Variants in TMPPE observed in about 807,000 individuals in gnomAD.
TMPPE encodes transmembrane protein with metallophosphoesterase domain.
A neutral mutation model predicts 22.6 loss-of-function variants in TMPPE; 16 were observed. The ratio of observed to expected loss-of-function variants is 0.71; its 90% CI spans 0.48 to 1.08. The LOEUF (loss-of-function observed/expected upper bound fraction) is 1.08. Ranked by LOEUF, TMPPE falls within the 50% of genes least tolerant of loss-of-function variation. The pLI, the probability that TMPPE is intolerant of heterozygous loss-of-function variation, is 0.00. For synonymous variants in TMPPE, 240 were observed against 245.3 expected, an observed-to-expected ratio of 0.98 and a Z score of 0.20; for missense variants, 526 against 584.3, an observed-to-expected ratio of 0.90 and a Z score of 1.03.
At chr3:33,096,446 A>G in intron 1 of TMPPE, 1 of 981,494 alleles carries the variant, frequency 1.0e-6, no homozygotes, top group Admixed American at 6.3e-5. Flanking sequence ...ACGGTCCCAC[A>G]AATACAAAGA....
chr3:33,090,568 A>C lies in TMPPE; in HGVS notation c.*2266T>G, dbSNP rs960540057. ...TAAAGAAACAAATGAAATTGAAAGA[A>C]TGATCAAGCTTCAAGTAACGTTTCT... is the stretch of plus-strand genomic sequence containing the variant. On this transcript the variant is annotated 3_prime_UTR_variant, in exon 2 of 2. Coordinates refer to ENST00000342462, the MANE Select transcript of TMPPE (RefSeq NM_001039770.3). The C allele has an allele frequency of 7.1e-6, 7 of 985,342 alleles. No individual in the cohort carries two copies. The South Asian group carries it at 3.3e-4, about 46-fold the overall frequency. The allele number at this position is 985,342 out of a possible 1,614,324, so 61.0% of individuals were successfully genotyped here.
At position 33,090,493 on chromosome 3, in the gene TMPPE, C is replaced by G. The variant is rs75638506; in HGVS notation, c.*2341G>C. 1.8e-4 allele frequency: 181 copies of G among 985,180 alleles called. No homozygotes were observed. Among genetic ancestry groups the G allele is most frequent in the Non-Finnish European group, 2.1e-4 (173 of 829,912 alleles). 61.0% of individuals were successfully genotyped at this position (985,180 alleles called of 1,614,324 possible). A position where few individuals can be genotyped will look rare whatever the true frequency, so the allele number is the denominator to read the frequency against. ...GCATCATATACTACAGACACTATTG[C>G]TGATTTTCAAAAAGCATTGCATTTC... On this transcript the variant is annotated 3_prime_UTR_variant, in exon 2 of 2. Coordinates refer to ENST00000342462, the MANE Select transcript of TMPPE (RefSeq NM_001039770.3).
chr3:33,092,221 TG>T lies in TMPPE; in HGVS notation c.*612del. 1 of 985,704 alleles carries T rather than the reference TG, an allele frequency of 1.0e-6. No homozygotes were observed. The highest frequency in any genetic ancestry group is 1.2e-6 in the Non-Finnish European group (1 of 830,174). 61.1% of individuals were successfully genotyped at this position (985,704 alleles called of 1,614,324 possible). On this transcript the variant is annotated 3_prime_UTR_variant, in exon 2 of 2. Transcript: ENST00000342462. ...CAGTTAAATAGCATCCCTCAAGGCC[TG>T]GAACAGGAGGAGCTTTGCATTCCAG... is the stretch of plus-strand genomic sequence containing the variant.
In TMPPE at chr3:33,090,599, C is replaced by T; in HGVS notation, c.*2235G>A. On this transcript the variant is annotated 3_prime_UTR_variant, in exon 2 of 2. Transcript: ENST00000342462. Reference sequence around the variant, plus strand: ...AAGCTTCAAGTAACGTTTCTCACCACCTCCCCCGGCCACAAACAAACAAAA... The same window carrying T: ...AAGCTTCAAGTAACGTTTCTCACCATCTCCCCCGGCCACAAACAAACAAAA... 3.0e-6 allele frequency: 3 copies of T among 985,400 alleles called. No individual in the cohort carries two copies. Among genetic ancestry groups the T allele is most frequent in the Non-Finnish European group, 3.6e-6 (3 of 829,922 alleles). 61.0% of individuals were successfully genotyped at this position (985,400 alleles called of 1,614,324 possible). A position where few individuals can be genotyped will look rare whatever the true frequency, so the allele number is the denominator to read the frequency against.
rs759335347 is a variant in TMPPE, at chr3:33,090,761, T to A, written c.*2073A>T. 1 of 985,242 alleles carries A rather than the reference T, an allele frequency of 1.0e-6. No homozygotes were observed. The highest frequency in any genetic ancestry group is 1.7e-5 in the African/African-American group (1 of 57,216). The allele number at this position is 985,242 out of a possible 1,614,324, so 61.0% of individuals were successfully genotyped here. ...GCCGCGTCAGGGAATACAAACCACA[T>A]ACGAGAGGGTGTTGATGTTGTTTCT... On this transcript the variant is annotated 3_prime_UTR_variant, in exon 2 of 2. Coordinates refer to ENST00000342462, the MANE Select transcript of TMPPE (RefSeq NM_001039770.3).
At chr3:33,095,515 C>T (rs1344999940) in intron 1 of TMPPE, among the ~76,000 whole-genome samples, 1 of 152,136 alleles carries the variant, frequency 6.6e-6, no homozygotes, top group African/African-American at 2.4e-5. Context: ...TAGCTGTGGG[C>T]ACAGAAGCCC....
At position 33,091,569 on chromosome 3, in the gene TMPPE, C is replaced by T. The variant is rs142859087; in HGVS notation, c.*1265G>A. 95 of 985,422 alleles carry T rather than the reference C, an allele frequency of 9.6e-5. No individual in the cohort carries two copies. In the African/African-American group the frequency reaches 1.3e-3, roughly 14 times the overall value. 61.0% of individuals were successfully genotyped at this position (985,422 alleles called of 1,614,324 possible). ...ATTAACATTGAGTGTTTACTGTGCACGCTGTGCCATGTGGAACTCATGCAC... is the reference window on the plus strand; with the variant it reads ...ATTAACATTGAGTGTTTACTGTGCATGCTGTGCCATGTGGAACTCATGCAC... On this transcript the variant is annotated 3_prime_UTR_variant, in exon 2 of 2. Coordinates refer to ENST00000342462, the MANE Select transcript of TMPPE (RefSeq NM_001039770.3).
intron 1 of TMPPE, among the ~76,000 whole-genome samples, chr3:33,095,354 A>T (rs1700977638): frequency 1.3e-5 from 2 of 151,444 alleles, no homozygotes; most frequent in Non-Finnish European, 1.5e-5. Flanking sequence ...CGTCTCTACT[A>T]AAAATACAAA....
In TMPPE at chr3:33,092,152, G is replaced by C. The variant is rs532024317; in HGVS notation, c.*682C>G. 1 of 985,582 alleles carries C rather than the reference G, an allele frequency of 1.0e-6. No individual in the cohort carries two copies. Among genetic ancestry groups the C allele is most frequent in the Non-Finnish European group, 1.2e-6 (1 of 830,126 alleles). The allele number at this position is 985,582 out of a possible 1,614,324, so 61.1% of individuals were successfully genotyped here. On this transcript the variant is annotated 3_prime_UTR_variant, in exon 2 of 2. Coordinates refer to ENST00000342462, the MANE Select transcript of TMPPE (RefSeq NM_001039770.3). ...ACCATCACCGACCATGGCGCCCACCGTTCTTCTCCCCTGACCTTGCCCCCA... is the reference window on the plus strand; with the variant it reads ...ACCATCACCGACCATGGCGCCCACCCTTCTTCTCCCCTGACCTTGCCCCCA...
In TMPPE at chr3:33,093,262, C is replaced by T. The variant is rs1301989503; in HGVS notation, c.934G>A (p.Ala312Thr). 3.1e-6 allele frequency: 5 copies of T among 1,614,014 alleles called. No homozygotes were observed. The highest frequency in any genetic ancestry group is 4.2e-6 in the Non-Finnish European group (5 of 1,180,004). The change falls in exon 2 of 2, where the codon GCC (alanine) becomes ACC (threonine). Residue 312 changes from alanine (A) to threonine (T), a missense_variant. Physicochemically the swap from Ala to Thr is moderately conservative, Grantham distance 58. Coordinates refer to ENST00000342462, the MANE Select transcript of TMPPE (RefSeq NM_001039770.3). This position sits in a 1 kb window ranked among gnomAD's most constrained non-coding sequence, Gnocchi z 6.0. ...CCACTGCCACCACCACCACGTTGGG[C>T]CCGTGTGGCGGAAATCTTCACGTTC... ...NENVKISATR[A>T]QRGGGGSGSG... is the part of the protein sequence containing the mutation.
At position 33,091,220 on chromosome 3, in the gene TMPPE, C is replaced by G. The variant is rs1700744956; in HGVS notation, c.*1614G>C. 4 of 985,326 alleles carry G rather than the reference C, an allele frequency of 4.1e-6. No homozygotes were observed. Among genetic ancestry groups the G allele is most frequent in the African/African-American group, 1.7e-5 (1 of 57,234 alleles). The allele number at this position is 985,326 out of a possible 1,614,324, so 61.0% of individuals were successfully genotyped here. On this transcript the variant is annotated 3_prime_UTR_variant, in exon 2 of 2. Coordinates refer to ENST00000342462, the MANE Select transcript of TMPPE (RefSeq NM_001039770.3). Reference sequence around the variant, plus strand: ...TAAGGAAACCACCAAAATTTCAACTCAAAGATACATTTTAAACTGCATGGT... The same window carrying G: ...TAAGGAAACCACCAAAATTTCAACTGAAAGATACATTTTAAACTGCATGGT...
At chr3:33,096,603 G>A (rs1701039969) in intron 1 of TMPPE, 116 bp downstream of exon 1, 7 of 1,051,072 alleles carry the variant, frequency 6.7e-6, no homozygotes, top group African/African-American at 3.4e-5. Flanking sequence ...GGAGCGCTCC[G>A]CAGAGCACCA....
rs1000751478 is a variant in TMPPE at position 33,092,062 on chromosome 3, G to A, written c.*772C>T. On this transcript the variant is annotated 3_prime_UTR_variant, in exon 2 of 2. Transcript: ENST00000342462. The stretch of plus-strand genomic sequence containing the variant: ...GCAGCCTGTCCCCAGTGAGCTCCCC[G>A]AAGGGTTGTATAAAATGAGACAAGG... 1.3e-5 allele frequency: 13 copies of A among 985,378 alleles called. No homozygotes were observed. The highest frequency in any genetic ancestry group is 1.2e-4 in the African/African-American group (7 of 57,328). The allele number at this position is 985,378 out of a possible 1,614,324, so 61.0% of individuals were successfully genotyped here. A position where few individuals can be genotyped will look rare whatever the true frequency, so the allele number is the denominator to read the frequency against.
intron 1 of TMPPE, among the ~76,000 whole-genome samples, chr3:33,095,210 CAAAAAAAAAAAA>C (rs71630565): frequency 1.3e-5 from 1 of 75,888 alleles, no homozygotes; most frequent in South Asian, 5.2e-4. Flanking sequence ...GACTCTGTCT[CAAAAAAAAAAAA>C]AAAAAAAAAA....
In TMPPE at chr3:33,097,022, G is replaced by A. The variant is rs1043511313; in HGVS notation, c.-412C>T. On this transcript the variant is annotated 5_prime_UTR_variant, in exon 1 of 2. Transcript: ENST00000342462. ...TCCCGCAGACTTACGCGCAAGCCGC[G>A]CGTAGGGCCCAGAAGCAGCAGAACC... 1 of 1,612,316 alleles carries A rather than the reference G, an allele frequency of 6.2e-7. No individual in the cohort carries two copies. The highest frequency in any genetic ancestry group is 8.5e-7 in the Non-Finnish European group (1 of 1,178,994).
rs186330143 is a variant in TMPPE at position 33,091,970 on chromosome 3, T to C, written c.*864A>G. The C allele has an allele frequency of 6.1e-6, 6 of 984,144 alleles. No individual in the cohort carries two copies. The highest frequency in any genetic ancestry group is 1.2e-4 in the Admixed American group (2 of 16,282). 61.0% of individuals were successfully genotyped at this position (984,144 alleles called of 1,614,324 possible). ...GGTTTCTAGCCCCAAATCTCCTACA[T>C]ATCTTGTCATACTGCCTGTGCCCTA... is the stretch of plus-strand genomic sequence containing the variant. On this transcript the variant is annotated 3_prime_UTR_variant, in exon 2 of 2. Coordinates refer to ENST00000342462, the MANE Select transcript of TMPPE (RefSeq NM_001039770.3).
At position 33,091,700 on chromosome 3, in the gene TMPPE, AC is replaced by A; in HGVS notation, c.*1133del. ...AAGGCTGAGTGAGGGAAAGTCACCC[AC>A]CCAACGCTGCCCTATGAGTGAGCAG... On this transcript the variant is annotated 3_prime_UTR_variant, in exon 2 of 2. Coordinates refer to ENST00000342462, the MANE Select transcript of TMPPE (RefSeq NM_001039770.3). The A allele has an allele frequency of 1.0e-6, 1 of 985,250 alleles. No homozygotes were observed. Among genetic ancestry groups the A allele is most frequent in the Non-Finnish European group, 1.2e-6 (1 of 829,898 alleles). The allele number at this position is 985,250 out of a possible 1,614,324, so 61.0% of individuals were successfully genotyped here.
Position 33,092,568 on chromosome 3 carries a change from G to T in TMPPE, c.*266C>A. 8 of 1,222,578 alleles carry T rather than the reference G, an allele frequency of 6.5e-6. No homozygotes were observed. Among genetic ancestry groups the T allele is most frequent in the Non-Finnish European group, 8.2e-6 (8 of 978,662 alleles). 75.7% of individuals were successfully genotyped at this position (1,222,578 alleles called of 1,614,324 possible). A position where few individuals can be genotyped will look rare whatever the true frequency, so the allele number is the denominator to read the frequency against. On this transcript the variant is annotated 3_prime_UTR_variant, in exon 2 of 2. Coordinates refer to ENST00000342462, the MANE Select transcript of TMPPE (RefSeq NM_001039770.3). ...GAAGGTCCCCATTCCACATCATCTG[G>T]AAAATAGAGGGGAGTGCTAATATAT... is the stretch of plus-strand genomic sequence containing the variant.
intron 1 of TMPPE, chr3:33,096,405 C>A: frequency 1.0e-6 from 1 of 973,482 alleles, no homozygotes; most frequent in Non-Finnish European, 1.2e-6. Context: ...TATTCCCCCC[C>A]TCAACCTGGA....
Sources: gnomAD v4.1 joint callset for allele counts (sites outside exome capture counted in the v4.1 genomes callset) on GRCh38, gnomAD v4.1.1 for gene constraint, Gnocchi (gnomAD v3.1) non-coding constraint, MANE v1.5 for transcripts, NCBI Gene and HGNC (gene_info 2026-07-23, HGNC 2026-07-21) for gene names.